The following CFAP92 variants were observed in gnomAD, a reference collection of about 807,000 sequenced individuals.
The protein encoded by CFAP92 is cilia and flagella associated protein 92 (putative).
A neutral mutation model predicts 106.3 loss-of-function variants in CFAP92; 86 were observed. The ratio of observed to expected loss-of-function variants is 0.81; its 90% CI spans 0.68 to 0.97. CFAP92 has a LOEUF of 0.97. Ranked by LOEUF, CFAP92 falls within the 50% of genes least tolerant of loss-of-function variation. The pLI is 0.00. For synonymous variants in CFAP92, 477 were observed against 506.4 expected (o/e 0.94, Z 0.78); for missense variants, 1,204 against 1,283.8 (o/e 0.94, Z 0.95).
chr3:128,929,476 T>C (rs1483762539), intron 12 of CFAP92, among the ~76,000 whole-genome samples: 3 of 152,216 alleles, frequency 2.0e-5, no homozygotes, highest in African/African-American at 7.2e-5. Context: ...TGTATGCAAA[T>C]GTTTATAGGA....
At chr3:128,953,133 T>TA (rs1383713198) in intron 9 of CFAP92, among the ~76,000 whole-genome samples, 2 of 151,546 alleles carry the variant, frequency 1.3e-5, no homozygotes, top group Non-Finnish European at 2.9e-5. Context: ...ATAACTGCAA[T>TA]AAAAAAACTC....
intron 10 of CFAP92, among the ~76,000 whole-genome samples, chr3:128,937,250 CTTGTACCGCTGCAGTGAGCCT>C (rs1294868235): frequency 6.8e-6 from 1 of 147,854 alleles, no homozygotes; most frequent in Non-Finnish European, 1.5e-5. Flanking sequence ...GCAGTGAGCC[CTTGTACCGCTGCAGTGAGCCT>C]TTGTACCACT....
the CFAP92 span, among the ~76,000 whole-genome samples, chr3:129,015,090 C>T: frequency 3.3e-5 from 5 of 152,310 alleles, 1 homozygote; most frequent in South Asian, 1.0e-3. Context: ...CACCCAGATC[C>T]CACCTCGGGC....
At position 128,950,062 on chromosome 3, in the gene CFAP92, G is replaced by GT. The variant is rs573575584; in HGVS notation, c.1354-4088dup. Among the ~76,000 whole-genome samples, 29 of 151,404 alleles carry GT rather than the reference G, an allele frequency of 1.9e-4. No individual in the cohort carries two copies. In the South Asian group the frequency reaches 5.1e-3, roughly 26 times the overall value. On this transcript the variant is annotated intron_variant, in intron 9 of 15. Transcript: ENST00000645291. Reference sequence around the variant, plus strand: ...CATCAATTTTACTGTAGAAAAATTTGTTTTTTAAAAAAAATAACAGAGGGT... The same window carrying GT: ...CATCAATTTTACTGTAGAAAAATTTGTTTTTTTAAAAAAAATAACAGAGGGT...
chr3:128,965,042 G>T (rs1405390719), intron 9 of CFAP92, among the ~76,000 whole-genome samples: 2 of 152,232 alleles, frequency 1.3e-5, no homozygotes, highest in Non-Finnish European at 2.9e-5. Context: ...AGTAACTGAA[G>T]ATCCACAAAA....
At chr3:128,993,012 G>T in intron 2 of CFAP92, 31 bp downstream of exon 2, 5 of 1,609,498 alleles carry the variant, frequency 3.1e-6, no homozygotes, top group Non-Finnish European at 4.3e-6. Flanking sequence ...CCTTTTTTCA[G>T]AGGGTGTTAA....
rs1223657306 is a variant in CFAP92 at position 129,001,019 on chromosome 3, G to A, written n.117+1555C>T. Among the ~76,000 whole-genome samples, 6 of 152,388 alleles carry A rather than the reference G, an allele frequency of 3.9e-5. No individual in the cohort carries two copies. The East Asian group carries it at 1.2e-3, about 29-fold the overall frequency. On this transcript the variant is annotated intron_variant and non_coding_transcript_variant, in intron 1 of 4. Coordinates refer to the CFAP92 transcript ENST00000510149. ...GGTTCGGAAACCCAGTAGCTGAATT[G>A]AAGCGGAGGGGAGGCTTTTCCGCAC...
intron 9 of CFAP92, among the ~76,000 whole-genome samples, chr3:128,965,206 C>A (rs375931176): frequency 1.3e-5 from 2 of 152,294 alleles, no homozygotes; most frequent in Admixed American, 6.5e-5. Flanking sequence ...GAGATCCACC[C>A]CTGCCCACCA....
At chr3:128,943,219 A>G in intron 10 of CFAP92, among the ~76,000 whole-genome samples, 1 of 151,812 alleles carries the variant, frequency 6.6e-6, no homozygotes, top group East Asian at 1.9e-4. Context: ...TGCCCGGCAA[A>G]ACTCAACCTT....
chr3:128,910,857 A>G (rs1013079776), intron 15 of CFAP92: 1 of 1,598,366 alleles, frequency 6.3e-7, no homozygotes, highest in Admixed American at 1.7e-5. Context: ...GCCCACTTCT[A>G]GGCCCCTATT....
intron 6 of CFAP92, among the ~76,000 whole-genome samples, chr3:128,976,715 C>T (rs1291679567): frequency 1.3e-5 from 2 of 152,140 alleles, no homozygotes; most frequent in African/African-American, 4.8e-5. Flanking sequence ...TACTCAGTCA[C>T]CTTTTTAGGA....
At chr3:128,986,626 A>G (rs1447271462) in intron 4 of CFAP92, among the ~76,000 whole-genome samples, 2 of 152,172 alleles carry the variant, frequency 1.3e-5, no homozygotes, top group Non-Finnish European at 2.9e-5. Context: ...TTTTCTATAG[A>G]CAATGCACAC....
chr3:128,913,096 C>T (rs1243734392), intron 15 of CFAP92: 3 of 452,638 alleles, frequency 6.6e-6, no homozygotes, highest in Non-Finnish European at 1.3e-5. Context: ...TATAAAATGT[C>T]ACAATCTGTG....
rs6439151 is a variant in CFAP92 at position 128,950,068 on chromosome 3, T to A, written c.1354-4093A>T. Among the ~76,000 whole-genome samples the A allele has an allele frequency of 9.5e-3, 1,450 of 152,164 alleles. 13 individuals are homozygous for A. The highest frequency in any genetic ancestry group is 0.033 in the African/African-American group (1,381 of 41,472). ...TTTTACTGTAGAAAAATTTGTTTTT[T>A]AAAAAAAATAACAGAGGGTCTCTGG... is the stretch of plus-strand genomic sequence containing the variant. On this transcript the variant is annotated intron_variant, in intron 9 of 15. Transcript: ENST00000645291.
chr3:128,987,916 C>G, intron 3 of CFAP92, 87 bp from the exon 4 acceptor site: 1 of 1,154,546 alleles, frequency 8.7e-7, no homozygotes, highest in South Asian at 1.5e-5. Flanking sequence ...CCCAGCCTGG[C>G]CCTCAGCAGC....
the CFAP92 span, among the ~76,000 whole-genome samples, chr3:129,008,900 A>G: frequency 6.6e-6 from 1 of 151,618 alleles, no homozygotes; most frequent in Non-Finnish European, 1.5e-5. Flanking sequence ...CTCCACTCAC[A>G]TGACCTTGTC....
the CFAP92 span, among the ~76,000 whole-genome samples, chr3:129,015,779 C>T: frequency 6.7e-6 from 1 of 149,854 alleles, no homozygotes; most frequent in Non-Finnish European, 1.5e-5. Context: ...CTGCATCCCG[C>T]CCCCCTACCC....
At chr3:128,916,598 T>A (rs1936835821) in intron 12 of CFAP92, among the ~76,000 whole-genome samples, 1 of 151,846 alleles carries the variant, frequency 6.6e-6, no homozygotes, top group African/African-American at 2.4e-5. Flanking sequence ...AGTAGGAGAG[T>A]GTGGACAGGG....
chr3:128,983,574 T>C (rs1387557649), intron 4 of CFAP92, among the ~76,000 whole-genome samples: 2 of 151,612 alleles, frequency 1.3e-5, no homozygotes, highest in East Asian at 3.9e-4. Context: ...GGTAGGATAA[T>C]GAATGAATGG....
Sources: gnomAD v4.1 joint callset for allele counts (sites outside exome capture counted in the v4.1 genomes callset) on GRCh38, gnomAD v4.1.1 for gene constraint, MANE v1.5 for transcripts, NCBI Gene and HGNC (gene_info 2026-07-23, HGNC 2026-07-21) for gene names.